ABTB3: variants seen among roughly 807,000 people sequenced by gnomAD.
ABTB3 encodes ankyrin repeat and BTB domain containing 3, also known as ankyrin repeat- and BTB/POZ domain-containing protein 3.
At chr12:107,338,566 G>A in the ABTB3 span, among the ~76,000 whole-genome samples, 2 of 152,182 alleles carry the variant, frequency 1.3e-5, no homozygotes, top group African/African-American at 4.8e-5. Context: ...CCAGGGTTGG[G>A]AAGTCTCATC....
At chr12:107,559,036 T>C in the ABTB3 span, among the ~76,000 whole-genome samples, 164 of 152,350 alleles carry the variant, frequency 1.1e-3, 1 homozygote, top group African/African-American at 3.7e-3. Flanking sequence ...GACTGGGCTT[T>C]GATCATTTCT....
the ABTB3 span, among the ~76,000 whole-genome samples, chr12:107,453,599 G>A: frequency 6.6e-6 from 1 of 152,230 alleles, no homozygotes; most frequent in Non-Finnish European, 1.5e-5. Flanking sequence ...CTGTTTATAA[G>A]CCACCCAGTC....
At chr12:107,537,170 A>T in the ABTB3 span, among the ~76,000 whole-genome samples, 551 of 109,142 alleles carry the variant, frequency 5.0e-3, 3 homozygotes, top group African/African-American at 0.02. Flanking sequence ...TGGAATCTTA[A>T]AAAAAAAAAT....
the ABTB3 span, among the ~76,000 whole-genome samples, chr12:107,390,046 C>T: frequency 0.018 from 2,724 of 152,110 alleles, 99 homozygotes; most frequent in African/African-American, 0.062. Context: ...CAGAAGCTGC[C>T]ATGCCTGATT....
At chr12:107,618,420 C>T in the ABTB3 span, 1 of 1,528,900 alleles carries the variant, frequency 6.5e-7, no homozygotes, top group South Asian at 1.2e-5. Flanking sequence ...ATGGTGCCCC[C>T]AGCTTTAGGT....
chr12:107,551,760 T>G, the ABTB3 span, among the ~76,000 whole-genome samples: 33 of 152,200 alleles, frequency 2.2e-4, no homozygotes, highest in Non-Finnish European at 4.4e-4. Flanking sequence ...ATCTTCTTTT[T>G]TTTTTTTTTG....
the ABTB3 span, among the ~76,000 whole-genome samples, chr12:107,603,759 A>G: frequency 2.0e-5 from 3 of 152,356 alleles, no homozygotes; most frequent in African/African-American, 7.2e-5. Flanking sequence ...AACAGGGTGA[A>G]GACACAACTT....
At chr12:107,348,863 C>A in the ABTB3 span, among the ~76,000 whole-genome samples, 1 of 152,120 alleles carries the variant, frequency 6.6e-6, no homozygotes, top group African/African-American at 2.4e-5. Flanking sequence ...AGACAGGGCA[C>A]CTGGGAAAGC....
chr12:107,630,066 C>A, the ABTB3 span, among the ~76,000 whole-genome samples: 1 of 152,286 alleles, frequency 6.6e-6, no homozygotes, highest in Non-Finnish European at 1.5e-5. Context: ...CTGGGAAGGG[C>A]ACAGGGCAGA....
chr12:107,360,930 ATTTTTTT>A, the ABTB3 span, among the ~76,000 whole-genome samples: 29 of 84,452 alleles, frequency 3.4e-4, no homozygotes, highest in Admixed American at 5.3e-4. Context: ...ATTTAATTTA[ATTTTTTT>A]TTTTTTTTTT....
the ABTB3 span, among the ~76,000 whole-genome samples, chr12:107,402,488 C>T: frequency 5.3e-5 from 8 of 152,134 alleles, no homozygotes; most frequent in African/African-American, 1.9e-4. Context: ...ATGGAGGGCC[C>T]TTGGGATATG....
At chr12:107,507,894 T>G in the ABTB3 span, among the ~76,000 whole-genome samples, 1 of 152,258 alleles carries the variant, frequency 6.6e-6, no homozygotes, top group South Asian at 2.1e-4. Flanking sequence ...CAATTTCTGT[T>G]TGTGCCATCA....
the ABTB3 span, among the ~76,000 whole-genome samples, chr12:107,655,847 T>G: frequency 1.3e-5 from 2 of 152,166 alleles, no homozygotes; most frequent in Non-Finnish European, 2.9e-5. Context: ...AACAAGCTGG[T>G]TCATCAGATT....
At chr12:107,622,255 G>A in the ABTB3 span, among the ~76,000 whole-genome samples, 1 of 152,138 alleles carries the variant, frequency 6.6e-6, no homozygotes, top group Non-Finnish European at 1.5e-5. Flanking sequence ...GTTAAAAAAG[G>A]AGATAATTTC....
chr12:107,585,178 C>T, the ABTB3 span, among the ~76,000 whole-genome samples: 1 of 152,068 alleles, frequency 6.6e-6, no homozygotes, highest in Non-Finnish European at 1.5e-5. Context: ...TAAAGATGGT[C>T]AGGGGTGTTC....
the ABTB3 span, among the ~76,000 whole-genome samples, chr12:107,595,320 G>A: frequency 6.6e-6 from 1 of 152,116 alleles, no homozygotes; most frequent in African/African-American, 2.4e-5. Flanking sequence ...AATATGATTT[G>A]AAGGAAAGCA....
At chr12:107,557,289 C>T in the ABTB3 span, among the ~76,000 whole-genome samples, 1 of 151,776 alleles carries the variant, frequency 6.6e-6, no homozygotes, top group Non-Finnish European at 1.5e-5. Flanking sequence ...GCATGTTACT[C>T]TACCGAATAC....
At chr12:107,428,146 A>C in the ABTB3 span, among the ~76,000 whole-genome samples, 23 of 152,320 alleles carry the variant, frequency 1.5e-4, no homozygotes, top group African/African-American at 5.5e-4. Flanking sequence ...TAGGTGCTCA[A>C]TAGATGCTTG....
At chr12:107,391,437 G>T in the ABTB3 span, among the ~76,000 whole-genome samples, 1 of 152,096 alleles carries the variant, frequency 6.6e-6, no homozygotes, top group Non-Finnish European at 1.5e-5. Flanking sequence ...AACCAGCTTG[G>T]CCAAAACACA....
Sources: gnomAD v4.1 joint callset for allele counts (sites outside exome capture counted in the v4.1 genomes callset) on GRCh38, gnomAD v4.1.1 for gene constraint, MANE v1.5 for transcripts, NCBI Gene and HGNC (gene_info 2026-07-23, HGNC 2026-07-21) for gene names.